SLC4A10: variants seen among roughly 807,000 people sequenced by gnomAD.
SLC4A10 encodes solute carrier family 4 member 10.
Under a neutral mutation model 137.7 loss-of-function variants are expected in SLC4A10, and 42 were observed. The observed-to-expected ratio is 0.30, with a 90% CI of 0.24 to 0.39. SLC4A10 has a LOEUF of 0.39. SLC4A10 is among the 10% of genes least tolerant of loss of function. SLC4A10 has a pLI of 1.00. For synonymous variants in SLC4A10, 474 were observed against 464.1 expected (o/e 1.02, Z -0.27); for missense variants, 925 against 1,355.0 (o/e 0.68, Z 4.98).
intron 15 of SLC4A10, among the ~76,000 whole-genome samples, chr2:161,919,292 C>G (rs536217891): frequency 3.2e-4 from 48 of 152,280 alleles, no homozygotes; most frequent in Admixed American, 1.7e-3. Flanking sequence ...AGGAGGCAGA[C>G]AGGCTCCTGG....
At chr2:161,894,471 C>T (rs952891729) in intron 10 of SLC4A10, among the ~76,000 whole-genome samples, 4 of 151,932 alleles carry the variant, frequency 2.6e-5, no homozygotes, top group Non-Finnish European at 4.4e-5. Context: ...TTTCAACATT[C>T]ATCTGACATC....
At chr2:161,957,869 T>A (rs1695943375) in intron 20 of SLC4A10, among the ~76,000 whole-genome samples, 2 of 152,206 alleles carry the variant, frequency 1.3e-5, no homozygotes, top group Admixed American at 6.5e-5. Context: ...CACATTTTAT[T>A]TGCCTATAAT....
chr2:161,703,484 A>G (rs2043338500), intron 1 of SLC4A10, among the ~76,000 whole-genome samples: 1 of 151,734 alleles, frequency 6.6e-6, no homozygotes, highest in South Asian at 2.1e-4. Context: ...TTATCTCTGT[A>G]TAATGAAATT....
In SLC4A10 at chr2:161,984,623, C is replaced by A. The variant is rs12622869; in HGVS notation, c.*1471C>A. 3.9e-5 allele frequency: 6 copies of A among 152,084 alleles called. No individual in the cohort carries two copies. The highest frequency in any genetic ancestry group is 7.4e-5 in the Non-Finnish European group (5 of 67,978). 9.4% of individuals were successfully genotyped at this position (152,084 alleles called of 1,614,324 possible). On this transcript the variant is annotated 3_prime_UTR_variant, in exon 27 of 27. Coordinates refer to ENST00000446997, the MANE Select transcript of SLC4A10 (RefSeq NM_001178015.2). ...GGAGGAAATAAATCAACAAAGTCTCCATTAAGTTCTACATTTTGAGACCTT... is the reference window on the plus strand; with the variant it reads ...GGAGGAAATAAATCAACAAAGTCTCAATTAAGTTCTACATTTTGAGACCTT...
chr2:161,726,339 A>G (rs1486309914), intron 1 of SLC4A10, among the ~76,000 whole-genome samples: 1 of 152,200 alleles, frequency 6.6e-6, no homozygotes, highest in African/African-American at 2.4e-5. Context: ...AAACTAGCTA[A>G]TACAACATAC....
At chr2:161,819,783 C>T (rs924110870) in intron 3 of SLC4A10, among the ~76,000 whole-genome samples, 1 of 152,114 alleles carries the variant, frequency 6.6e-6, no homozygotes, top group Non-Finnish European at 1.5e-5. Flanking sequence ...AATGAGCCAC[C>T]GCATCCAGCC....
intron 2 of SLC4A10, among the ~76,000 whole-genome samples, chr2:161,795,140 T>C (rs2054629351): frequency 6.6e-6 from 1 of 152,114 alleles, no homozygotes; most frequent in Admixed American, 6.6e-5. Context: ...TCACAAGGCA[T>C]GCTATTTTTC....
At chr2:161,827,228 C>G (rs181871953) in intron 3 of SLC4A10, among the ~76,000 whole-genome samples, 1 of 152,172 alleles carries the variant, frequency 6.6e-6, no homozygotes, top group Non-Finnish European at 1.5e-5. Context: ...TCATCATCAT[C>G]ATTGTAATCA....
chr2:161,787,988 C>T (rs1198880402), intron 2 of SLC4A10, among the ~76,000 whole-genome samples: 2 of 152,122 alleles, frequency 1.3e-5, no homozygotes, highest in Admixed American at 6.6e-5. Flanking sequence ...TTTTGTACCA[C>T]TGGAGTTCTT....
chr2:161,665,467 A>G (rs1283632361), intron 1 of SLC4A10, among the ~76,000 whole-genome samples: 1 of 151,618 alleles, frequency 6.6e-6, no homozygotes, highest in Admixed American at 6.6e-5. Context: ...TGAAATGTTA[A>G]TTTTTGCAAA....
intron 1 of SLC4A10, among the ~76,000 whole-genome samples, chr2:161,628,593 G>GT (rs1007350260): frequency 7.9e-5 from 12 of 151,982 alleles, no homozygotes; most frequent in South Asian, 2.1e-4. Flanking sequence ...AAGTAATATT[G>GT]TTTTTTCTAT....
intron 1 of SLC4A10, chr2:161,708,762 G>A (rs772806879): frequency 1.3e-4 from 199 of 1,532,330 alleles, no homozygotes; most frequent in Non-Finnish European, 1.7e-4. Flanking sequence ...CAGTCTTTAG[G>A]GGTTTCTGGA....
rs369526504 is a variant in SLC4A10 at position 161,882,348 on chromosome 2, T to C, written c.1107-9T>C. 28 of 1,526,768 alleles carry C rather than the reference T, an allele frequency of 1.8e-5. No homozygotes were observed. The highest frequency in any genetic ancestry group is 1.7e-4 in the Middle Eastern group (1 of 5,864). The allele number at this position is 1,526,768 out of a possible 1,614,324, so 94.6% of individuals were successfully genotyped here. A position where few individuals can be genotyped will look rare whatever the true frequency, so the allele number is the denominator to read the frequency against. On this transcript the variant is annotated splice_polypyrimidine_tract_variant and intron_variant, in intron 9 of 26. Coordinates refer to ENST00000446997, the MANE Select transcript of SLC4A10 (RefSeq NM_001178015.2). ...TACCTTAAAACATTTTTTTTCTTCTTAATTACAGATTTTTGTTCATTCTTC... is the reference window on the plus strand; with the variant it reads ...TACCTTAAAACATTTTTTTTCTTCTCAATTACAGATTTTTGTTCATTCTTC...
At chr2:161,729,322 C>T (rs995367666) in intron 1 of SLC4A10, among the ~76,000 whole-genome samples, 1 of 152,138 alleles carries the variant, frequency 6.6e-6, no homozygotes, top group South Asian at 2.1e-4. Flanking sequence ...CCCAACCAAA[C>T]TCATAAAACT....
intron 15 of SLC4A10, among the ~76,000 whole-genome samples, chr2:161,925,466 C>A (rs1009537905): frequency 1.1e-4 from 16 of 151,992 alleles, no homozygotes; most frequent in Non-Finnish European, 2.2e-4. Context: ...GTCTTCCTAG[C>A]GGTCTATCAA....
At chr2:161,731,799 T>A (rs1246466532) in intron 1 of SLC4A10, among the ~76,000 whole-genome samples, 2 of 152,200 alleles carry the variant, frequency 1.3e-5, no homozygotes, top group African/African-American at 4.8e-5. Context: ...TATTTTTAAA[T>A]TTTTTACTCT....
intron 1 of SLC4A10, among the ~76,000 whole-genome samples, chr2:161,733,048 T>C (rs558778201): frequency 6.6e-6 from 1 of 152,230 alleles, no homozygotes; most frequent in Non-Finnish European, 1.5e-5. Context: ...AAACAGAGCA[T>C]AAAAGTTTCA....
chr2:161,978,248 G>C (rs757418724), intron 26 of SLC4A10, among the ~76,000 whole-genome samples: 3 of 151,812 alleles, frequency 2.0e-5, no homozygotes, highest in African/African-American at 4.8e-5. Context: ...TTAGCCAGGC[G>C]TGGTGGCGGA....
At position 161,983,175 on chromosome 2, in the gene SLC4A10, G is replaced by A. The variant is rs1280046644; in HGVS notation, c.*27-4G>A. 6.5e-7 allele frequency: 1 copy of A among 1,535,504 alleles called. No homozygotes were observed. The highest frequency in any genetic ancestry group is 1.2e-5 in the South Asian group (1 of 83,852). On this transcript the variant is annotated splice_polypyrimidine_tract_variant and splice_region_variant and intron_variant, in intron 26 of 26. Coordinates refer to ENST00000446997, the MANE Select transcript of SLC4A10 (RefSeq NM_001178015.2). ...ATAAATGTGTCCTTTTTTTCCTTCT[G>A]TAGCATTGAAAGCCGAAAAGAGAAG...
Sources: gnomAD v4.1 joint callset for allele counts (sites outside exome capture counted in the v4.1 genomes callset) on GRCh38, gnomAD v4.1.1 for gene constraint, MANE v1.5 for transcripts, NCBI Gene and HGNC (gene_info 2026-07-23, HGNC 2026-07-21) for gene names.